CHST11: variants seen among roughly 807,000 people sequenced by gnomAD.
The protein encoded by CHST11 is C4S-1.
Under a neutral mutation model 30.4 loss-of-function variants are expected in CHST11, and 9 were observed. The observed-to-expected ratio is 0.30, with a 90% CI of 0.18 to 0.52. The LOEUF (loss-of-function observed/expected upper bound fraction) is 0.52, where lower values mean the gene tolerates loss of function less well. CHST11 is among the 20% of genes least tolerant of loss of function. The probability of loss-of-function intolerance (pLI) is 0.97; values close to 1 mark genes in which losing one functional copy is unlikely to be tolerated. For synonymous variants in CHST11, 152 were observed against 187.8 expected, an observed-to-expected ratio of 0.81 and a Z score of 1.56; for missense variants, 348 against 460.6, an observed-to-expected ratio of 0.76 and a Z score of 2.24.
intron 1 of CHST11, among the ~76,000 whole-genome samples, chr12:104,565,460 T>C (rs982284271): frequency 6.6e-6 from 1 of 150,492 alleles, no homozygotes; most frequent in East Asian, 2.0e-4. Flanking sequence ...AGAGGCGGGG[T>C]TTCACCATGT....
intron 1 of CHST11, among the ~76,000 whole-genome samples, chr12:104,483,266 C>T (rs542413503): frequency 3.3e-5 from 5 of 152,272 alleles, no homozygotes; most frequent in East Asian, 3.9e-4. Flanking sequence ...AGTGCAGTGA[C>T]GTGATCTCAG....
chr12:104,558,556 G>A (rs949635006), intron 1 of CHST11, among the ~76,000 whole-genome samples: 1 of 21,206 alleles, frequency 4.7e-5, no homozygotes, highest in Admixed American at 5.0e-4. Flanking sequence ...CCGCCCCCCC[G>A]AGACAGGTTC....
At chr12:104,550,869 C>T (rs2038397491) in intron 1 of CHST11, among the ~76,000 whole-genome samples, 1 of 152,216 alleles carries the variant, frequency 6.6e-6, no homozygotes, top group Non-Finnish European at 1.5e-5. Context: ...CTTTGAACTT[C>T]TCACTCAGTG....
chr12:104,682,530 G>T (rs554666738), intron 2 of CHST11, among the ~76,000 whole-genome samples: 1 of 152,228 alleles, frequency 6.6e-6, no homozygotes, highest in Admixed American at 6.5e-5. Context: ...GTGGATCATT[G>T]ATATCAGTTG....
chr12:104,601,867 G>A, intron 1 of CHST11, 39 bp from the exon 2 acceptor site: 1 of 1,504,082 alleles, frequency 6.6e-7, no homozygotes, highest in Non-Finnish European at 9.2e-7. Context: ...ACAAATCTTT[G>A]TTGCTCATTT....
At chr12:104,739,016 AGGGGTGAG>A (rs1444265279) in intron 2 of CHST11, among the ~76,000 whole-genome samples, 1 of 152,202 alleles carries the variant, frequency 6.6e-6, no homozygotes, top group Non-Finnish European at 1.5e-5. Context: ...CCTGCTGGGC[AGGGGTGAG>A]GGGTGAGCTG....
chr12:104,657,582 A>C (rs1389544024), intron 2 of CHST11, among the ~76,000 whole-genome samples: 2 of 151,954 alleles, frequency 1.3e-5, no homozygotes, highest in Non-Finnish European at 2.9e-5. Context: ...TTCTCTGAAG[A>C]GCATGGGAGA....
At chr12:104,722,710 G>GAGTGTCC (rs2040187582) in intron 2 of CHST11, among the ~76,000 whole-genome samples, 1 of 151,514 alleles carries the variant, frequency 6.6e-6, no homozygotes, top group African/African-American at 2.4e-5. Context: ...AGTGTCCAAA[G>GAGTGTCC]AAAACAAGGC....
At chr12:104,610,219 A>T (rs1354921617) in intron 2 of CHST11, among the ~76,000 whole-genome samples, 1 of 151,990 alleles carries the variant, frequency 6.6e-6, no homozygotes, top group Non-Finnish European at 1.5e-5. Flanking sequence ...CTAGTTAGGT[A>T]CTCTGTAATG....
At chr12:104,500,547 G>GA (rs2037843967) in intron 1 of CHST11, among the ~76,000 whole-genome samples, 3 of 126,596 alleles carry the variant, frequency 2.4e-5, no homozygotes, top group African/African-American at 9.3e-5. Flanking sequence ...GTATTTCTCT[G>GA]TGAAATGAGC....
rs142104056 is a variant in CHST11 at position 104,717,928 on chromosome 12, C to T, written c.205-39021C>T. Among the ~76,000 whole-genome samples, 432 of 151,712 alleles carry T rather than the reference C, an allele frequency of 2.8e-3. 9 individuals are homozygous for T. The East Asian group carries it at 0.058, about 20-fold the overall frequency. On this transcript the variant is annotated intron_variant, in intron 2 of 2. Transcript: ENST00000303694. ...TTGTGCCACTGCACTCCAGCCTGGG[C>T]GACAGAGCAAGACTCTGTCTCAAAA...
intron 2 of CHST11, among the ~76,000 whole-genome samples, chr12:104,720,387 C>T (rs1488860438): frequency 6.6e-6 from 1 of 152,236 alleles, no homozygotes; most frequent in Non-Finnish European, 1.5e-5. Context: ...CTCATGGCGT[C>T]CAAGGCGTTT....
chr12:104,711,830 G>A (rs1009008381), intron 2 of CHST11, among the ~76,000 whole-genome samples: 1 of 152,172 alleles, frequency 6.6e-6, no homozygotes, highest in Non-Finnish European at 1.5e-5. Context: ...TTACAAACTT[G>A]CACTGTCTCA....
intron 2 of CHST11, among the ~76,000 whole-genome samples, chr12:104,658,730 C>A (rs189566857): frequency 6.6e-6 from 1 of 152,198 alleles, no homozygotes; most frequent in Non-Finnish European, 1.5e-5. Context: ...GTACCCTGTT[C>A]GCTCCATAAT....
chr12:104,552,426 C>G (rs2038413021), intron 1 of CHST11: 1 of 152,782 alleles, frequency 6.5e-6, no homozygotes, highest in Middle Eastern at 3.1e-3. Flanking sequence ...CCACCTCAGC[C>G]TCCTGAGTAG....
rs1407096967 is a variant in CHST11 at position 104,601,759 on chromosome 12, G to A, written c.119-147G>A. Reference sequence around the variant, plus strand: ...AGACAGCAGCTGTGCTGTTGGAGAAGGGACAGTGTGGAAATCTTCCTTTGC... The same window carrying A: ...AGACAGCAGCTGTGCTGTTGGAGAAAGGACAGTGTGGAAATCTTCCTTTGC... On this transcript the variant is annotated intron_variant, in intron 1 of 2. Transcript: ENST00000303694. 8.0e-6 allele frequency: 5 copies of A among 626,740 alleles called. No homozygotes were observed. The East Asian group carries it at 8.4e-5, about 10-fold the overall frequency. The allele number at this position is 626,740 out of a possible 1,614,324, so 38.8% of individuals were successfully genotyped here. A position where few individuals can be genotyped will look rare whatever the true frequency, so the allele number is the denominator to read the frequency against.
chr12:104,488,333 G>A (rs527393898), intron 1 of CHST11, among the ~76,000 whole-genome samples: 69 of 152,048 alleles, frequency 4.5e-4, no homozygotes, highest in Admixed American at 9.2e-4. Flanking sequence ...GAGTAGAGAG[G>A]TCTGTGTGTG....
chr12:104,670,503 TCA>T (rs1349175083), intron 2 of CHST11, among the ~76,000 whole-genome samples: 2 of 143,928 alleles, frequency 1.4e-5, no homozygotes, highest in Non-Finnish European at 3.0e-5. Flanking sequence ...TCATACACAC[TCA>T]CACAAACACA....
At chr12:104,515,168 A>C (rs923295202) in intron 1 of CHST11, among the ~76,000 whole-genome samples, 2 of 152,218 alleles carry the variant, frequency 1.3e-5, no homozygotes, top group African/African-American at 4.8e-5. Flanking sequence ...GACACATGAA[A>C]AGTCTATGAA....
Sources: gnomAD v4.1 joint callset for allele counts (sites outside exome capture counted in the v4.1 genomes callset) on GRCh38, gnomAD v4.1.1 for gene constraint, MANE v1.5 for transcripts, NCBI Gene and HGNC (gene_info 2026-07-23, HGNC 2026-07-21) for gene names.